The following SLC5A4 variants were observed in gnomAD, a reference collection of about 807,000 sequenced individuals.
SLC5A4 encodes probable glucose sensor protein SLC5A4.
Under a neutral mutation model 70.3 loss-of-function variants are expected in SLC5A4, and 55 were observed. The ratio of observed to expected loss-of-function variants is 0.78; its 90% confidence interval spans 0.63 to 0.98. SLC5A4 has a LOEUF of 0.98. Among genes scored for constraint, SLC5A4 ranks in the 50% least tolerant of loss-of-function variants. The pLI is 0.00. For missense variants in SLC5A4, 735 were observed against 839.2 expected (o/e 0.88, Z 1.53); for synonymous variants, 268 against 305.7 (o/e 0.88, Z 1.29).
chr22:32,227,157 G>A (rs529991957), intron 11 of SLC5A4, among the ~76,000 whole-genome samples: 6 of 152,182 alleles, frequency 3.9e-5, no homozygotes, highest in South Asian at 2.1e-4. Context: ...TTTTAAAAAC[G>A]TACATGTTTT....
chr22:32,263,064 G>A, the SLC5A4 span, among the ~76,000 whole-genome samples: 4 of 106,670 alleles, frequency 3.7e-5, no homozygotes, highest in East Asian at 8.5e-4. Flanking sequence ...CACCGTGCCC[G>A]GCCCTACATT....
chr22:32,285,313 A>G, the SLC5A4 span, among the ~76,000 whole-genome samples: 1 of 152,228 alleles, frequency 6.6e-6, no homozygotes, highest in East Asian at 1.9e-4. Context: ...TTTAATTTTA[A>G]TAGATATTTT....
intron 2 of SLC5A4, among the ~76,000 whole-genome samples, chr22:32,252,494 G>A (rs1056621835): frequency 6.6e-6 from 1 of 152,182 alleles, no homozygotes; most frequent in Non-Finnish European, 1.5e-5. Flanking sequence ...GAACACAGCC[G>A]TGCTCATTGG....
intron 6 of SLC5A4, among the ~76,000 whole-genome samples, chr22:32,238,537 C>T (rs59707717): frequency 0.023 from 3,546 of 152,260 alleles, 37 homozygotes; most frequent in South Asian, 0.07. Context: ...GATCGTCTCC[C>T]GCCAGCAACC....
chr22:32,284,357 C>T, the SLC5A4 span, among the ~76,000 whole-genome samples: 2 of 152,168 alleles, frequency 1.3e-5, no homozygotes, highest in Admixed American at 6.5e-5. Context: ...CTTAGTAGTT[C>T]GAATTGCCAA....
At position 32,243,598 on chromosome 22, in the gene SLC5A4, G is replaced by A. The variant is rs1926658277; in HGVS notation, c.477+3813C>T. On this transcript the variant is annotated intron_variant, in intron 5 of 14. Transcript: ENST00000266086. ...CATCATTTTACACTGCCACAGTAAAGACTGGATCAGGTAAAAATCACTGGA... is the reference window on the plus strand; with the variant it reads ...CATCATTTTACACTGCCACAGTAAAAACTGGATCAGGTAAAAATCACTGGA... 3.3e-5 allele frequency among the ~76,000 whole-genome samples: 5 copies of A among 152,166 alleles called. No homozygotes were observed. The South Asian group carries it at 1.0e-3, about 31-fold the overall frequency.
the SLC5A4 span, among the ~76,000 whole-genome samples, chr22:32,275,464 G>A: frequency 3.3e-5 from 5 of 152,136 alleles, no homozygotes; most frequent in East Asian, 1.9e-4. Flanking sequence ...GAGAACATGC[G>A]GTGTTTGGTT....
chr22:32,335,532 C>G, the SLC5A4 span, among the ~76,000 whole-genome samples: 1 of 152,194 alleles, frequency 6.6e-6, no homozygotes, highest in Non-Finnish European at 1.5e-5. Context: ...CACATCCCCT[C>G]TGATTTCATC....
At chr22:32,332,218 G>T in the SLC5A4 span, among the ~76,000 whole-genome samples, 2 of 152,154 alleles carry the variant, frequency 1.3e-5, no homozygotes, top group African/African-American at 4.8e-5. Flanking sequence ...GGGCACCCTT[G>T]TCCCTGGACT....
chr22:32,248,916 G>A, intron 3 of SLC5A4, 114 bp from the exon 4 acceptor site: 1 of 710,168 alleles, frequency 1.4e-6, no homozygotes, highest in South Asian at 1.7e-5. Context: ...GCTCAATCCT[G>A]TCCCATTCAA....
At chr22:32,350,262 T>C in the SLC5A4 span, among the ~76,000 whole-genome samples, 1 of 152,140 alleles carries the variant, frequency 6.6e-6, no homozygotes, top group Non-Finnish European at 1.5e-5. Context: ...CTGCCCCCAT[T>C]GTAAAGATGG....
At chr22:32,246,685 G>A (rs930467330) in intron 5 of SLC5A4, among the ~76,000 whole-genome samples, 1 of 151,894 alleles carries the variant, frequency 6.6e-6, no homozygotes, top group Non-Finnish European at 1.5e-5. Flanking sequence ...GCATCACCAT[G>A]CCTGGCTAAT....
At chr22:32,266,986 CT>C in the SLC5A4 span, among the ~76,000 whole-genome samples, 1 of 152,144 alleles carries the variant, frequency 6.6e-6, no homozygotes, top group African/African-American at 2.4e-5. Context: ...GACTAATTTT[CT>C]TCATCAAACT....
the SLC5A4 span, among the ~76,000 whole-genome samples, chr22:32,313,547 G>C: frequency 1.3e-5 from 2 of 152,216 alleles, no homozygotes; most frequent in African/African-American, 4.8e-5. Context: ...CAGGAGAGCA[G>C]TGGAACAAGA....
the SLC5A4 span, among the ~76,000 whole-genome samples, chr22:32,328,852 T>C: frequency 3.9e-5 from 6 of 152,228 alleles, no homozygotes; most frequent in African/African-American, 1.2e-4. Flanking sequence ...ATTGTGCATC[T>C]GGACATCCCT....
At chr22:32,347,989 C>T in the SLC5A4 span, among the ~76,000 whole-genome samples, 1 of 152,094 alleles carries the variant, frequency 6.6e-6, no homozygotes, top group Non-Finnish European at 1.5e-5. Flanking sequence ...TGATCAGCTT[C>T]GACAAATCTG....
intron 6 of SLC5A4, 121 bp downstream of exon 6, chr22:32,238,864 T>C (rs543266772): frequency 5.8e-5 from 41 of 705,628 alleles, no homozygotes. Flanking sequence ...ACTCTCATAG[T>C]GGAAATGAAA....
At chr22:32,306,677 T>G in the SLC5A4 span, among the ~76,000 whole-genome samples, 7 of 152,282 alleles carry the variant, frequency 4.6e-5, no homozygotes, top group Admixed American at 3.3e-4. Flanking sequence ...CTGTATGCCC[T>G]TGTCTGGCTG....
At chr22:32,307,246 G>A in the SLC5A4 span, among the ~76,000 whole-genome samples, 5 of 152,172 alleles carry the variant, frequency 3.3e-5, no homozygotes. Context: ...GAAGATAGGA[G>A]TTTTAGGTAC....
Sources: gnomAD v4.1 joint callset for allele counts (sites outside exome capture counted in the v4.1 genomes callset) on GRCh38, gnomAD v4.1.1 for gene constraint, MANE v1.5 for transcripts, NCBI Gene and HGNC (gene_info 2026-07-23, HGNC 2026-07-21) for gene names.